Variants in NLRP3 observed in about 807,000 individuals in gnomAD.
The protein encoded by NLRP3 is NACHT, LRR and PYD domains-containing protein 3.
A neutral mutation model predicts 91.3 loss-of-function variants in NLRP3; 48 were observed. The ratio of observed to expected loss-of-function variants is 0.53; its 90% CI spans 0.42 to 0.67. The LOEUF is 0.67. Ranked by LOEUF, NLRP3 falls within the 30% of genes least tolerant of loss-of-function variation. The pLI is 0.00. For missense variants in NLRP3, 982 were observed against 1,276.9 expected (o/e 0.77, Z 3.52); for synonymous variants, 561 against 507.9 (o/e 1.10, Z -1.41).
chr1:247,423,068 A>G (rs1043418662), intron 2 of NLRP3, among the ~76,000 whole-genome samples, 162 bp from the exon 3 acceptor site: 2 of 152,208 alleles, frequency 1.3e-5, no homozygotes, highest in African/African-American at 2.4e-5. Context: ...AATGCTCCCA[A>G]CCAGACTTTT....
intron 4 of NLRP3, among the ~76,000 whole-genome samples, chr1:247,426,946 C>T (rs892211793): frequency 6.6e-6 from 1 of 152,006 alleles, no homozygotes; most frequent in African/African-American, 2.4e-5. Context: ...GTTTCTACGG[C>T]AGCAAACAGT....
rs1341109453 is a variant in NLRP3 at position 247,436,173 on chromosome 1, A to G, written c.2663+33A>G. On this transcript the variant is annotated intron_variant, in intron 7 of 9. Transcript: ENST00000336119. Reference sequence around the variant, plus strand: ...TTCATGGGTGTCTTACCAGAAAAGTAACTTCTTTTCAGAGGTGAATTATTT... The same window carrying G: ...TTCATGGGTGTCTTACCAGAAAAGTGACTTCTTTTCAGAGGTGAATTATTT... 1.9e-6 allele frequency: 3 copies of G among 1,609,926 alleles called. No homozygotes were observed. In the African/African-American group the frequency reaches 4.0e-5, roughly 21 times the overall value.
At chr1:247,431,451 C>T (rs767867405) in intron 5 of NLRP3, among the ~76,000 whole-genome samples, 19 of 152,146 alleles carry the variant, frequency 1.2e-4, no homozygotes, top group African/African-American at 2.9e-4. Context: ...TCCTCCTACC[C>T]GAGCTGTTTT....
intron 8 of NLRP3, 105 bp from the exon 9 acceptor site, chr1:247,444,545 CT>C (rs938807600): frequency 0.026 from 22,753 of 864,930 alleles, no homozygotes; most frequent in Non-Finnish European, 0.028. Flanking sequence ...TGCTCCTGTG[CT>C]TTTTTTTTTT....
chr1:247,426,988 C>A (rs1016444887), intron 4 of NLRP3, among the ~76,000 whole-genome samples: 5 of 152,274 alleles, frequency 3.3e-5, no homozygotes, highest in African/African-American at 1.2e-4. Flanking sequence ...CAGTTGTCTT[C>A]ATTCATCAGG....
chr1:247,430,363 TG>T (rs1282751422), intron 5 of NLRP3, among the ~76,000 whole-genome samples: 4 of 152,108 alleles, frequency 2.6e-5, no homozygotes, highest in African/African-American at 9.7e-5. Context: ...CATCTTGCCT[TG>T]GGGGGAAGAG....
chr1:247,431,787 T>A lies in NLRP3; in HGVS notation c.2321+2032T>A, dbSNP rs758160078. On this transcript the variant is annotated intron_variant, in intron 5 of 9. Transcript: ENST00000336119. Reference sequence around the variant, plus strand: ...TGGCTTAAATGCTTTCTGTCTGCTCTGCTCTTTATTTTTTACTTTATGTAT... The same window carrying A: ...TGGCTTAAATGCTTTCTGTCTGCTCAGCTCTTTATTTTTTACTTTATGTAT... Among the ~76,000 whole-genome samples, 4 of 152,384 alleles carry A rather than the reference T, an allele frequency of 2.6e-5. No individual in the cohort carries two copies. In the East Asian group the frequency reaches 5.8e-4, roughly 22 times the overall value.
chr1:247,440,278 C>T (rs539461881), intron 7 of NLRP3, among the ~76,000 whole-genome samples: 1 of 152,290 alleles, frequency 6.6e-6, no homozygotes, highest in East Asian at 1.9e-4. Flanking sequence ...CCACCTTCCA[C>T]CCCCGTTCTC....
intron 1 of NLRP3, among the ~76,000 whole-genome samples, chr1:247,417,755 G>C (rs758797500): frequency 8.5e-5 from 13 of 152,138 alleles, no homozygotes; most frequent in Non-Finnish European, 1.6e-4. Flanking sequence ...CAAAGTGCTG[G>C]GATTACAGGG....
chr1:247,440,458 C>T (rs79256088), intron 7 of NLRP3, among the ~76,000 whole-genome samples: 1,740 of 152,204 alleles, frequency 0.011, 34 homozygotes, highest in African/African-American at 0.039. Context: ...AAATATTGAC[C>T]CTTTGTTCAA....
chr1:247,444,822 G>A lies in NLRP3; in HGVS notation c.3005+1G>A. 6.2e-7 allele frequency: 1 copy of A among 1,613,708 alleles called. No homozygotes were observed. Among genetic ancestry groups the A allele is most frequent in the Non-Finnish European group, 8.5e-7 (1 of 1,179,970 alleles). Reference sequence around the variant, plus strand: ...AGAGCTGCCTCCTGCAGAACCTGGGGTGAGTGTGCTCTGCAGAGATGCCCG... The same window carrying A: ...AGAGCTGCCTCCTGCAGAACCTGGGATGAGTGTGCTCTGCAGAGATGCCCG... On this transcript the variant is annotated splice_donor_variant, in intron 9 of 9. Coordinates refer to ENST00000336119, the MANE Select transcript of NLRP3 (RefSeq NM_001243133.2). LOFTEE classifies it high-confidence loss of function.
At position 247,444,808 on chromosome 1, in the gene NLRP3, C is replaced by A; in HGVS notation, c.2992C>A (p.Leu998Met). ...CEVLKQQSCL[L>M]QNLGLSEMYF... ...AGTGCTGAAACAGCAGAGCTGCCTC[C>A]TGCAGAACCTGGGGTGAGTGTGCTC... The change falls in exon 9 of 10, where the codon CTG becomes ATG. Residue 998 changes from leucine (L) to methionine (M), a missense_variant. Coordinates refer to ENST00000336119, the MANE Select transcript of NLRP3 (RefSeq NM_001243133.2). 1 of 1,613,932 alleles carries A rather than the reference C, an allele frequency of 6.2e-7. No homozygotes were observed. The highest frequency in any genetic ancestry group is 8.5e-7 in the Non-Finnish European group (1 of 1,179,992).
chr1:247,423,769 G>A (rs1662642902), intron 3 of NLRP3, 78 bp from the exon 4 acceptor site: 8 of 1,326,162 alleles, frequency 6.0e-6, no homozygotes, highest in African/African-American at 1.4e-5. Context: ...ACTCGCTTCC[G>A]ATGACAGGCC....
chr1:247,425,681 C>T lies in NLRP3; in HGVS notation c.2150+82C>T, dbSNP rs946969909. On this transcript the variant is annotated intron_variant, in intron 4 of 9. Coordinates refer to ENST00000336119, the MANE Select transcript of NLRP3 (RefSeq NM_001243133.2). This position sits in a 1 kb window ranked among gnomAD's most constrained non-coding sequence, Gnocchi z 4.1. ...GCGCTTGCCTCCTCTCATCTCTTTT[C>T]AACTATCTTCCAAATACTGTTGCCA... is the stretch of plus-strand genomic sequence containing the variant. The T allele has an allele frequency of 3.1e-6, 4 of 1,287,568 alleles. No individual in the cohort carries two copies. The South Asian group carries it at 3.6e-5, about 12-fold the overall frequency. 79.8% of individuals were successfully genotyped at this position (1,287,568 alleles called of 1,614,324 possible).
At position 247,444,610 on chromosome 1, in the gene NLRP3, G is replaced by A. The variant is rs201756006; in HGVS notation, c.2835-41G>A. 4.8e-5 allele frequency: 77 copies of A among 1,607,518 alleles called. No individual in the cohort carries two copies. In the African/African-American group the frequency reaches 7.7e-4, roughly 16 times the overall value. On this transcript the variant is annotated intron_variant, in intron 8 of 9. Coordinates refer to ENST00000336119, the MANE Select transcript of NLRP3 (RefSeq NM_001243133.2). Reference sequence around the variant, plus strand: ...TAAAATCTTGGGGAGCTAGGGGGATGGTTAAGGGGACATTTTCTTTAAATC... The same window carrying A: ...TAAAATCTTGGGGAGCTAGGGGGATAGTTAAGGGGACATTTTCTTTAAATC...
rs748823369 is a variant in NLRP3, at chr1:247,425,213, C to T, written c.1764C>T (p.Ser588=). 2.5e-6 allele frequency: 4 copies of T among 1,613,978 alleles called. No individual in the cohort carries two copies. The African/African-American group carries it at 5.3e-5, about 22-fold the overall frequency. Residue 588 remains serine (S), a synonymous_variant, in exon 4 of 10, where the codon TCC becomes TCT. Transcript: ENST00000336119. The surrounding 1 kb of genome is among the most constrained non-coding windows in gnomAD (Gnocchi z 4.1). ...LFGLVNQERT[S]YLEKKLSCKI... ...GCCTGGTAAACCAGGAGAGGACCTC[C>T]TACTTGGAGAAGAAATTAAGTTGCA...
At chr1:247,439,319 C>T (rs1476964003) in intron 7 of NLRP3, among the ~76,000 whole-genome samples, 1 of 152,156 alleles carries the variant, frequency 6.6e-6, no homozygotes, top group Non-Finnish European at 1.5e-5. Flanking sequence ...GTTCTGGAGG[C>T]CAGAAGTGTG....
chr1:247,432,420 T>A (rs1176160551), intron 5 of NLRP3, among the ~76,000 whole-genome samples: 1 of 152,228 alleles, frequency 6.6e-6, no homozygotes, highest in Non-Finnish European at 1.5e-5. Context: ...GCTTCAAAGA[T>A]GTGACTTCAT....
At chr1:247,423,155 A>T in intron 2 of NLRP3, 75 bp from the exon 3 acceptor site, 2 of 1,603,878 alleles carry the variant, frequency 1.2e-6, no homozygotes, top group Non-Finnish European at 1.7e-6. Flanking sequence ...TCTCATGCCA[A>T]ATATTAGGCC....
Sources: gnomAD v4.1 joint callset for allele counts (sites outside exome capture counted in the v4.1 genomes callset) on GRCh38, gnomAD v4.1.1 for gene constraint, Gnocchi (gnomAD v3.1) non-coding constraint, MANE v1.5 for transcripts, NCBI Gene and HGNC (gene_info 2026-07-23, HGNC 2026-07-21) for gene names.